IL1RAPL2: variants seen among roughly 807,000 people sequenced by gnomAD.
The protein encoded by IL1RAPL2 is X-linked interleukin-1 receptor accessory protein-like 2.
A neutral mutation model predicts 44.1 loss-of-function variants in IL1RAPL2; 3 were observed. The ratio of observed to expected loss-of-function variants is 0.07; its 90% confidence interval spans 0.03 to 0.18. IL1RAPL2 has a LOEUF of 0.18. IL1RAPL2 is among the 10% of genes least tolerant of loss of function. The pLI is 1.00. For missense variants in IL1RAPL2, 391 were observed against 496.4 expected, an observed-to-expected ratio of 0.79 and a Z score of 2.02; for synonymous variants, 181 against 178.8, an observed-to-expected ratio of 1.01 and a Z score of -0.10.
intron 10 of IL1RAPL2, among the ~76,000 whole-genome samples, chrX:105,758,399 G>A (rs2038657917): frequency 9.7e-6 from 1 of 103,055 alleles, no homozygotes; most frequent in African/African-American, 3.9e-5. Flanking sequence ...AGTTTCGAAA[G>A]TACATGAAAA....
intron 2 of IL1RAPL2, among the ~76,000 whole-genome samples, chrX:104,705,182 G>A (rs1400635596): frequency 9.0e-6 from 1 of 111,572 alleles, no homozygotes; most frequent in African/African-American, 3.3e-5. Context: ...ATTTGATACA[G>A]GTACCATTTG....
chrX:105,658,506 C>A (rs2037692616), intron 6 of IL1RAPL2, among the ~76,000 whole-genome samples: 1 of 111,928 alleles, frequency 8.9e-6, no homozygotes, highest in African/African-American at 3.3e-5. Flanking sequence ...AATATCCAGA[C>A]ACTGACTAAC....
At chrX:105,436,106 G>A (rs751104907) in intron 5 of IL1RAPL2, among the ~76,000 whole-genome samples, 1 of 111,458 alleles carries the variant, frequency 9.0e-6, no homozygotes, top group Non-Finnish European at 1.9e-5. Context: ...CAGTATGGAT[G>A]AATCTCAAAT....
intron 6 of IL1RAPL2, among the ~76,000 whole-genome samples, chrX:105,601,575 C>T (rs1321422337): frequency 9.0e-6 from 1 of 111,309 alleles, no homozygotes; most frequent in Non-Finnish European, 1.9e-5. Context: ...TGCCTGCAAT[C>T]CTAGCTAAAG....
chrX:105,114,443 C>A (rs1003058088), intron 2 of IL1RAPL2, among the ~76,000 whole-genome samples: 1 of 112,158 alleles, frequency 8.9e-6, no homozygotes, highest in African/African-American at 3.2e-5. Flanking sequence ...AAATTATTCC[C>A]CTTTGCATAT....
Position 104,566,365 on chromosome X carries a change from A to G in IL1RAPL2, c.-706A>G, listed in dbSNP as rs1928029933. 2.7e-5 allele frequency: 3 copies of G among 112,848 alleles called. No individual in the cohort carries two copies. The highest frequency in any genetic ancestry group is 9.7e-5 in the African/African-American group (3 of 31,074). 9.3% of individuals were successfully genotyped at this position (112,848 alleles called of 1,213,427 possible). A position where few individuals can be genotyped will look rare whatever the true frequency, so the allele number is the denominator to read the frequency against. ...CAGGCGCCCTTCCCTCTTCGGAACT[A>G]AGGGAGACTTGTGGGCTTTTGCACA... On this transcript the variant is annotated 5_prime_UTR_variant, in exon 1 of 11. Coordinates refer to ENST00000372582, the MANE Select transcript of IL1RAPL2 (RefSeq NM_017416.2).
chrX:105,314,440 G>A (rs769191786), intron 5 of IL1RAPL2, among the ~76,000 whole-genome samples: 11 of 111,438 alleles, frequency 9.9e-5, no homozygotes, highest in South Asian at 3.8e-4. Flanking sequence ...CTGTAGCTGC[G>A]GACAATCAAG....
chrX:105,031,867 T>G (rs1207323757), intron 2 of IL1RAPL2, among the ~76,000 whole-genome samples: 1 of 111,810 alleles, frequency 8.9e-6, no homozygotes, highest in African/African-American at 3.3e-5. Flanking sequence ...GGACTTTTTT[T>G]GGTTGGTAAG....
At chrX:104,933,914 A>C (rs1924966550) in intron 2 of IL1RAPL2, among the ~76,000 whole-genome samples, 1 of 112,047 alleles carries the variant, frequency 8.9e-6, no homozygotes, top group African/African-American at 3.2e-5. Flanking sequence ...CTTTGAAAAT[A>C]AGCAATGAAA....
chrX:105,267,302 A>AAAAAGT, intron 4 of IL1RAPL2, 86 bp from the exon 5 acceptor site: 1 of 864,205 alleles, frequency 1.2e-6, no homozygotes, highest in Non-Finnish European at 1.6e-6. Context: ...GAATAATACA[A>AAAAAGT]AAAAGTAAAA....
At chrX:105,698,241 A>G (rs1434439496) in intron 6 of IL1RAPL2, among the ~76,000 whole-genome samples, 2 of 111,482 alleles carry the variant, frequency 1.8e-5, no homozygotes, top group African/African-American at 6.5e-5. Flanking sequence ...AAGTGCTCTT[A>G]TCTTCAGAGG....
chrX:105,224,592 G>A (rs782663246), intron 3 of IL1RAPL2, among the ~76,000 whole-genome samples: 1 of 111,539 alleles, frequency 9.0e-6, no homozygotes, highest in African/African-American at 3.3e-5. Context: ...ACACAAAGAC[G>A]GGGAAAATAA....
intron 2 of IL1RAPL2, among the ~76,000 whole-genome samples, chrX:104,731,361 T>A (rs1337166613): frequency 9.0e-6 from 1 of 111,101 alleles, no homozygotes; most frequent in East Asian, 2.8e-4. Context: ...GGTCTAACAT[T>A]TAAGTCTTTA....
rs370455358 is a variant in IL1RAPL2 at position 105,355,573 on chromosome X, C to G, written c.697+88032C>G. Among the ~76,000 whole-genome samples the G allele has an allele frequency of 6.3e-5, 7 of 111,555 alleles. No homozygotes were observed. The South Asian group carries it at 2.6e-3, about 42-fold the overall frequency. On this transcript the variant is annotated intron_variant, in intron 5 of 10. Coordinates refer to ENST00000372582, the MANE Select transcript of IL1RAPL2 (RefSeq NM_017416.2). The stretch of plus-strand genomic sequence containing the variant: ...TCCTTTCTAACTAGACTATATGAAC[C>G]ATGAGGCCATGGATCATCTTTATGT...
At position 105,135,255 on chromosome X, in the gene IL1RAPL2, G is replaced by T. The variant is rs894087179; in HGVS notation, c.83-60220G>T. Among the ~76,000 whole-genome samples the T allele has an allele frequency of 6.3e-5, 7 of 111,272 alleles. 1 individual carries two copies. The highest frequency in any genetic ancestry group is 2.3e-4 in the African/African-American group (7 of 30,594). On this transcript the variant is annotated intron_variant, in intron 2 of 10. Transcript: ENST00000372582. ...TTGTTCTCTAACTATTGTAGTGGGT[G>T]ACTGGTGGTTCAGTAGTTAGAGCAG...
chrX:105,449,662 G>A (rs1274967609), intron 5 of IL1RAPL2, among the ~76,000 whole-genome samples: 5 of 110,087 alleles, frequency 4.5e-5, no homozygotes, highest in South Asian at 3.9e-4. Flanking sequence ...CAGGAGAATC[G>A]CTTGAACCAG....
At chrX:105,725,760 G>T (rs2038345727) in intron 7 of IL1RAPL2, among the ~76,000 whole-genome samples, 1 of 111,552 alleles carries the variant, frequency 9.0e-6, no homozygotes, top group African/African-American at 3.3e-5. Context: ...CATGTCCTTG[G>T]TTTTCCCAAA....
At chrX:105,397,935 G>C (rs1055112488) in intron 5 of IL1RAPL2, among the ~76,000 whole-genome samples, 1 of 109,470 alleles carries the variant, frequency 9.1e-6, no homozygotes, top group African/African-American at 3.3e-5. Context: ...ACTGTATTCA[G>C]TTGCTCCAGG....
chrX:105,344,970 A>G (rs958083363), intron 5 of IL1RAPL2, among the ~76,000 whole-genome samples: 2 of 111,870 alleles, frequency 1.8e-5, no homozygotes, highest in Non-Finnish European at 3.8e-5. Flanking sequence ...TCATTCAAAG[A>G]TGGCTTTCCC....
Sources: allele counts gnomAD v4.1 joint callset (sites outside exome capture counted in the v4.1 genomes callset), GRCh38; gene constraint gnomAD v4.1.1; transcripts MANE v1.5; gene names NCBI Gene and HGNC (gene_info 2026-07-23, HGNC 2026-07-21).